Variants in RPRD1B observed in about 807,000 individuals in gnomAD.
RPRD1B encodes the protein regulation of nuclear pre-mRNA domain-containing protein 1B.
RPRD1B carries 11 observed loss-of-function variants against 41.5 expected under a neutral mutation model. That is an observed-to-expected ratio of 0.27 (90% CI 0.17 to 0.44). RPRD1B has a LOEUF of 0.44. RPRD1B is among the 20% of genes least tolerant of loss of function. The probability of loss-of-function intolerance (pLI) is 1.00; values close to 1 mark genes in which losing one functional copy is unlikely to be tolerated. For missense variants in RPRD1B, 248 were observed against 389.9 expected, an observed-to-expected ratio of 0.64 and a Z score of 3.06; for synonymous variants, 158 against 155.6, an observed-to-expected ratio of 1.02 and a Z score of -0.12.
chr20:38,070,049 A>C (rs2063570441), intron 6 of RPRD1B, among the ~76,000 whole-genome samples: 1 of 146,648 alleles, frequency 6.8e-6, no homozygotes, highest in African/African-American at 2.6e-5. Context: ...TGGCTTAACA[A>C]ATCTGATTTA....
Position 38,061,472 on chromosome 20 carries a change from C to T in RPRD1B, c.655+1952C>T, listed in dbSNP as rs943531113. Among the ~76,000 whole-genome samples the T allele has an allele frequency of 2.0e-5, 3 of 152,216 alleles. No individual in the cohort carries two copies. In the South Asian group the frequency reaches 6.2e-4, roughly 31 times the overall value. On this transcript the variant is annotated intron_variant, in intron 5 of 6. Transcript: ENST00000373433. ...GCCTCTCTGTGTATTAGATCTGCTC[C>T]TTCTCATCTAGCCAAGGCCATTGCT...
chr20:38,071,434 C>A (rs964199056), intron 6 of RPRD1B, among the ~76,000 whole-genome samples: 1 of 152,174 alleles, frequency 6.6e-6, no homozygotes, highest in Non-Finnish European at 1.5e-5. Context: ...AGTTTATAAC[C>A]TGTCTATGGA....
chr20:38,070,215 T>C, intron 6 of RPRD1B: 6 of 985,428 alleles, frequency 6.1e-6, no homozygotes, highest in Non-Finnish European at 7.2e-6. Context: ...GTTTTTGACT[T>C]TTGCTTCAGG....
chr20:38,076,676 G>A (rs1282266090), intron 6 of RPRD1B, among the ~76,000 whole-genome samples: 1 of 148,112 alleles, frequency 6.8e-6, no homozygotes, highest in Non-Finnish European at 1.5e-5. Context: ...TGCCCCCAGT[G>A]GTCTAATCTC....
chr20:38,034,722 ACCTCT>A (rs1011733080), intron 1 of RPRD1B, among the ~76,000 whole-genome samples: 4 of 151,242 alleles, frequency 2.6e-5, no homozygotes, highest in Non-Finnish European at 1.5e-5. Context: ...CCCAGACCTT[ACCTCT>A]CCTCTCCTCT....
chr20:38,066,226 T>G lies in RPRD1B; in HGVS notation c.801T>G (p.Asp267Glu). The change falls in exon 6 of 7, where the codon GAT becomes GAG. Residue 267 changes from aspartate to glutamate, a missense_variant. This residue lies in a region of RPRD1B where 93 missense variants were observed against 167.2 expected (regional missense o/e 0.56). Coordinates refer to ENST00000373433, the MANE Select transcript of RPRD1B (RefSeq NM_021215.4). ...TGGAGTATACCCAGAATCAGAAAGATGTTTTGTCGGAGAAGGAGAAAAAAC... is the reference window on the plus strand; with the variant it reads ...TGGAGTATACCCAGAATCAGAAAGAGGTTTTGTCGGAGAAGGAGAAAAAAC... ...MLVEYTQNQK[D>E]VLSEKEKKLE... The G allele has an allele frequency of 6.2e-7, 1 of 1,614,198 alleles. No individual in the cohort carries two copies. Among genetic ancestry groups the G allele is most frequent in the Non-Finnish European group, 8.5e-7 (1 of 1,180,020 alleles).
chr20:38,059,825 G>A (rs2074279444), intron 5 of RPRD1B, among the ~76,000 whole-genome samples: 1 of 152,132 alleles, frequency 6.6e-6, no homozygotes, highest in Admixed American at 6.5e-5. Context: ...GGGTGGGGGA[G>A]ATTAGGTATT....
In RPRD1B at chr20:38,092,020, C is replaced by T; in HGVS notation, c.*2145C>T. The T allele has an allele frequency of 1.0e-6, 1 of 985,792 alleles. No homozygotes were observed. The highest frequency in any genetic ancestry group is 4.7e-5 in the South Asian group (1 of 21,278). The allele number at this position is 985,792 out of a possible 1,614,324, so 61.1% of individuals were successfully genotyped here. The stretch of plus-strand genomic sequence containing the variant: ...AAATCTTAATTCTGCTGTCCACATC[C>T]TCCCAAAGTGTGCTTACTTCATTTG... On this transcript the variant is annotated 3_prime_UTR_variant, in exon 7 of 7. Coordinates refer to ENST00000373433, the MANE Select transcript of RPRD1B (RefSeq NM_021215.4).
At position 38,090,641 on chromosome 20, in the gene RPRD1B, GA is replaced by G. The variant is rs997478880; in HGVS notation, c.*771del. 7.2e-5 allele frequency: 71 copies of G among 985,362 alleles called. No individual in the cohort carries two copies. The highest frequency in any genetic ancestry group is 8.3e-5 in the Non-Finnish European group (69 of 829,958). 61.0% of individuals were successfully genotyped at this position (985,362 alleles called of 1,614,324 possible). A position where few individuals can be genotyped will look rare whatever the true frequency, so the allele number is the denominator to read the frequency against. On this transcript the variant is annotated 3_prime_UTR_variant, in exon 7 of 7. Coordinates refer to ENST00000373433, the MANE Select transcript of RPRD1B (RefSeq NM_021215.4). ...CTTCTCCACTGTCGGAGCACGTTCC[GA>G]AAAACAGAATGCCTTGATCCCTGGT...
intron 6 of RPRD1B, among the ~76,000 whole-genome samples, chr20:38,080,824 C>CA (rs1471244731): frequency 9.2e-5 from 14 of 152,168 alleles, no homozygotes; most frequent in African/African-American, 3.1e-4. Flanking sequence ...CGTGCCCAGC[C>CA]AGTGTACAGC....
chr20:38,045,471 C>T (rs1214373200), intron 2 of RPRD1B, among the ~76,000 whole-genome samples: 1 of 152,088 alleles, frequency 6.6e-6, no homozygotes, highest in Non-Finnish European at 1.5e-5. Flanking sequence ...TTTGATTTAC[C>T]ACAATGTTCA....
At chr20:38,073,293 C>G (rs2074429011) in intron 6 of RPRD1B, among the ~76,000 whole-genome samples, 1 of 152,156 alleles carries the variant, frequency 6.6e-6, no homozygotes, top group East Asian at 1.9e-4. Context: ...CCTCGCTGTA[C>G]CCCTGCTCAC....
chr20:38,064,050 C>T (rs1015802049), intron 5 of RPRD1B, among the ~76,000 whole-genome samples: 1 of 152,088 alleles, frequency 6.6e-6, no homozygotes, highest in Non-Finnish European at 1.5e-5. Context: ...TTTTTAAAAA[C>T]GATCAGTCAA....
At chr20:38,067,478 A>C (rs1701445810) in intron 6 of RPRD1B, among the ~76,000 whole-genome samples, 1 of 152,238 alleles carries the variant, frequency 6.6e-6, no homozygotes, top group South Asian at 2.1e-4. Flanking sequence ...GTGCTCTGGC[A>C]CAGAAGGAGG....
At chr20:38,065,503 A>G (rs550678133) in intron 5 of RPRD1B, among the ~76,000 whole-genome samples, 2 of 152,352 alleles carry the variant, frequency 1.3e-5, no homozygotes, top group African/African-American at 4.8e-5. Flanking sequence ...ACCAACAAAC[A>G]TCTTCCCATA....
intron 3 of RPRD1B, among the ~76,000 whole-genome samples, chr20:38,049,558 CAG>C (rs2074161467): frequency 6.6e-6 from 1 of 151,428 alleles, no homozygotes; most frequent in Non-Finnish European, 1.5e-5. Flanking sequence ...TTGGTAGAGA[CAG>C]GGTTTCACCA....
In RPRD1B at chr20:38,092,201, C is replaced by A. The variant is rs535730182; in HGVS notation, c.*2326C>A. The A allele has an allele frequency of 3.0e-6, 3 of 985,494 alleles. No individual in the cohort carries two copies. The South Asian group carries it at 1.4e-4, about 46-fold the overall frequency. 61.0% of individuals were successfully genotyped at this position (985,494 alleles called of 1,614,324 possible). A position where few individuals can be genotyped will look rare whatever the true frequency, so the allele number is the denominator to read the frequency against. The stretch of plus-strand genomic sequence containing the variant: ...ATTCCTCAGAAAGTCTTCAATCTTC[C>A]CTTGTTTTTGTTTGTTTGTTTTTCT... On this transcript the variant is annotated 3_prime_UTR_variant, in exon 7 of 7. Coordinates refer to ENST00000373433, the MANE Select transcript of RPRD1B (RefSeq NM_021215.4).
intron 5 of RPRD1B, among the ~76,000 whole-genome samples, chr20:38,059,884 T>C (rs2074280470): frequency 6.6e-6 from 1 of 152,154 alleles, no homozygotes; most frequent in Non-Finnish European, 1.5e-5. Flanking sequence ...AAAAAAATTA[T>C]GATTCAGGGC....
At chr20:38,071,985 A>G (rs1167515671) in intron 6 of RPRD1B, among the ~76,000 whole-genome samples, 1 of 152,162 alleles carries the variant, frequency 6.6e-6, no homozygotes, top group African/African-American at 2.4e-5. Context: ...CTTTCTAGGT[A>G]ATATCCTTTG....
Sources: allele counts gnomAD v4.1 joint callset (sites outside exome capture counted in the v4.1 genomes callset), GRCh38; gene constraint gnomAD v4.1.1; regional missense constraint gnomAD v4.1.1; transcripts MANE v1.5; gene names NCBI Gene and HGNC (gene_info 2026-07-23, HGNC 2026-07-21).